The following KLRF1 variants were observed in gnomAD, a reference collection of about 807,000 sequenced individuals.
KLRF1 encodes killer cell lectin-like receptor subfamily F member 1.
A neutral mutation model predicts 30.7 loss-of-function variants in KLRF1; 27 were observed. The ratio of observed to expected loss-of-function variants is 0.88; its 90% CI spans 0.65 to 1.21. The LOEUF (loss-of-function observed/expected upper bound fraction) is 1.21, where lower values mean the gene tolerates loss of function less well. Ranked by LOEUF, KLRF1 falls within the 50% of genes most tolerant of loss-of-function variation. KLRF1 has a pLI of 0.00. For missense variants in KLRF1, 246 were observed against 259.3 expected (o/e 0.95, Z 0.35); for synonymous variants, 92 against 89.3 (o/e 1.03, Z -0.17).
chr12:9,813,765 G>A, the KLRF1 span, among the ~76,000 whole-genome samples: 1 of 152,166 alleles, frequency 6.6e-6, no homozygotes, highest in African/African-American at 2.4e-5. Flanking sequence ...CTGTCTGGGA[G>A]CCCAGAGACT....
intron 1 of KLRF1, among the ~76,000 whole-genome samples, chr12:9,828,979 C>T (rs1187952726): frequency 2.0e-5 from 3 of 152,102 alleles, no homozygotes; most frequent in African/African-American, 7.2e-5. Context: ...TGTCTTGTAC[C>T]TTTAGCTAAT....
In KLRF1 at chr12:9,827,549, A is replaced by C; in HGVS notation, c.5A>C (p.Gln2Pro). Residue 2 changes from glutamine (Q) to proline (P), a missense_variant, in exon 1 of 6, where the codon CAA becomes CCA. By Grantham distance (76) the Gln-to-Pro change is moderately conservative. Coordinates refer to ENST00000617889, the MANE Select transcript of KLRF1 (RefSeq NM_016523.3). ...ACACATTCACTCACATTGAAGATGC[A>C]AGATGAAGAAAGATACATGACATTG... M[Q>P]DEERYMTLNV... 6.3e-7 allele frequency: 1 copy of C among 1,595,644 alleles called. No individual in the cohort carries two copies. The highest frequency in any genetic ancestry group is 8.6e-7 in the Non-Finnish European group (1 of 1,165,318).
the KLRF1 span, among the ~76,000 whole-genome samples, chr12:9,820,839 C>G: frequency 6.6e-6 from 1 of 152,176 alleles, no homozygotes. Context: ...AGTGACCACA[C>G]TGGCCCCTCC....
At chr12:9,811,828 G>A in the KLRF1 span, among the ~76,000 whole-genome samples, 2 of 152,162 alleles carry the variant, frequency 1.3e-5, no homozygotes, top group Admixed American at 6.5e-5. Flanking sequence ...GCAGGGTTGG[G>A]AAAATTCTGT....
intron 2 of KLRF1, among the ~76,000 whole-genome samples, chr12:9,832,656 A>AGTGT (rs58686028): frequency 0.01 from 1,538 of 146,706 alleles, 16 homozygotes; most frequent in African/African-American, 0.021. Flanking sequence ...GTATGTGTAG[A>AGTGT]GTGTGTGTGT....
At chr12:9,809,294 A>T in the KLRF1 span, among the ~76,000 whole-genome samples, 1 of 152,168 alleles carries the variant, frequency 6.6e-6, no homozygotes, top group Non-Finnish European at 1.5e-5. Context: ...AAATATATCT[A>T]AAAAGAAAGG....
At chr12:9,832,015 C>T (rs1867439438) in intron 1 of KLRF1, among the ~76,000 whole-genome samples, 1 of 152,052 alleles carries the variant, frequency 6.6e-6, no homozygotes, top group South Asian at 2.1e-4. Flanking sequence ...TGTGTCTCCG[C>T]AATGGTTGGA....
At chr12:9,819,152 G>A in the KLRF1 span, among the ~76,000 whole-genome samples, 1 of 152,174 alleles carries the variant, frequency 6.6e-6, no homozygotes, top group Admixed American at 6.5e-5. Flanking sequence ...GACACACAGA[G>A]CTACAGGGAG....
At chr12:9,821,659 G>C in the KLRF1 span, among the ~76,000 whole-genome samples, 1 of 152,202 alleles carries the variant, frequency 6.6e-6, no homozygotes. Context: ...CCAAGTTGGA[G>C]AGGAAACATA....
At chr12:9,844,137 A>G (rs1022236899) in intron 5 of KLRF1, among the ~76,000 whole-genome samples, 2 of 152,062 alleles carry the variant, frequency 1.3e-5, no homozygotes, top group African/African-American at 4.8e-5. Flanking sequence ...CTTATTTTTA[A>G]TCTAACTGAA....
At chr12:9,823,231 AAAAAAC>A (rs1436945711), upstream of KLRF1, among the ~76,000 whole-genome samples, 1 of 151,224 alleles carries the variant, frequency 6.6e-6, no homozygotes, top group African/African-American at 2.4e-5. Flanking sequence ...ATGCAAAAAA[AAAAAAC>A]AAAAACTCAA....
the KLRF1 span, among the ~76,000 whole-genome samples, chr12:9,808,157 C>G: frequency 6.6e-6 from 1 of 151,994 alleles, no homozygotes; most frequent in East Asian, 1.9e-4. Context: ...ATAAAATGCA[C>G]CAATTTAAAT....
the KLRF1 span, among the ~76,000 whole-genome samples, chr12:9,804,199 T>C: frequency 6.6e-6 from 1 of 152,014 alleles, no homozygotes; most frequent in Non-Finnish European, 1.5e-5. Flanking sequence ...TTGATAATCA[T>C]TCATGGCCTT....
chr12:9,808,781 C>T, the KLRF1 span, among the ~76,000 whole-genome samples: 1 of 152,002 alleles, frequency 6.6e-6, no homozygotes, highest in African/African-American at 2.4e-5. Flanking sequence ...CTAGAATGAC[C>T]TCGTATTCTT....
At chr12:9,816,140 C>T in the KLRF1 span, among the ~76,000 whole-genome samples, 1 of 152,186 alleles carries the variant, frequency 6.6e-6, no homozygotes, top group Non-Finnish European at 1.5e-5. Context: ...TCTCTGCCAG[C>T]TGCTTCAATG....
intron 3 of KLRF1, among the ~76,000 whole-genome samples, chr12:9,840,813 G>A (rs1349339264): frequency 6.6e-6 from 1 of 152,078 alleles, no homozygotes; most frequent in Non-Finnish European, 1.5e-5. Flanking sequence ...GTGCTGGTGA[G>A]GGTGTGGAGA....
chr12:9,841,122 T>C (rs1157843747), intron 3 of KLRF1, among the ~76,000 whole-genome samples: 1 of 152,160 alleles, frequency 6.6e-6, no homozygotes, highest in African/African-American at 2.4e-5. Context: ...CATGGAATAC[T>C]ATGAAGCCAT....
chr12:9,840,899 C>G (rs1867685870), intron 3 of KLRF1, among the ~76,000 whole-genome samples: 1 of 152,098 alleles, frequency 6.6e-6, no homozygotes, highest in Non-Finnish European at 1.5e-5. Context: ...GGCAATTCCT[C>G]AAAGACCTAA....
chr12:9,841,822 A>G lies in KLRF1; in HGVS notation c.345A>G (p.Gln115=), dbSNP rs746675209. 1.9e-6 allele frequency: 3 copies of G among 1,606,610 alleles called. No homozygotes were observed. The highest frequency in any genetic ancestry group is 2.2e-5 in the South Asian group (2 of 90,684). ...SRSADQTVLC[Q]SEWLKYQGKC... The stretch of plus-strand genomic sequence containing the variant: ...TACATTTCTCTGTAGTACTATGCCA[A>G]TCAGAATGGCTCAAATACCAAGGGA... The change falls in exon 4 of 6, where the codon CAA becomes CAG. Residue 115 remains glutamine, a synonymous_variant. Transcript: ENST00000617889.
Sources: allele counts gnomAD v4.1 joint callset (sites outside exome capture counted in the v4.1 genomes callset), GRCh38; gene constraint gnomAD v4.1.1; transcripts MANE v1.5; gene names NCBI Gene and HGNC (gene_info 2026-07-23, HGNC 2026-07-21).